The following PRR5L variants were observed in gnomAD, a reference collection of about 807,000 sequenced individuals.
PRR5L encodes proline-rich protein 5-like.
In PRR5L, 21 loss-of-function variants were observed where a neutral mutation model predicts 36.4. The ratio of observed to expected loss-of-function variants is 0.58; its 90% CI spans 0.41 to 0.83. The LOEUF (loss-of-function observed/expected upper bound fraction) is 0.83. PRR5L is among the 40% of genes least tolerant of loss of function. PRR5L has a pLI of 0.00. For synonymous variants in PRR5L, 188 were observed against 197.0 expected (o/e 0.95, Z 0.38); for missense variants, 381 against 473.3 (o/e 0.80, Z 1.81).
intron 1 of PRR5L, among the ~76,000 whole-genome samples, chr11:36,318,674 A>G (rs1028594934): frequency 3.3e-5 from 5 of 152,174 alleles, no homozygotes; most frequent in African/African-American, 1.2e-4. Flanking sequence ...TTGTGCTAGG[A>G]TAGGATTTCA....
intron 8 of PRR5L, among the ~76,000 whole-genome samples, chr11:36,459,980 G>A (rs911480989): frequency 2.6e-5 from 4 of 152,106 alleles, no homozygotes; most frequent in Non-Finnish European, 4.4e-5. Flanking sequence ...TTTTAAAGAC[G>A]TATCAATAAA....
intron 6 of PRR5L, among the ~76,000 whole-genome samples, chr11:36,442,469 G>A (rs975300679): frequency 1.3e-5 from 2 of 151,956 alleles, no homozygotes; most frequent in African/African-American, 2.4e-5. Flanking sequence ...AGCCTCCCAA[G>A]TAGCTGGGAT....
chr11:36,323,072 A>T (rs1590440680), intron 1 of PRR5L, among the ~76,000 whole-genome samples: 1 of 152,084 alleles, frequency 6.6e-6, no homozygotes, highest in East Asian at 1.9e-4. Flanking sequence ...ACAGAGGAGA[A>T]ATTTTGTTTT....
chr11:36,457,190 C>A (rs1411249660), intron 8 of PRR5L, among the ~76,000 whole-genome samples: 1 of 152,226 alleles, frequency 6.6e-6, no homozygotes, highest in African/African-American at 2.4e-5. Context: ...TCTCGATTTA[C>A]CCTCTGTCTT....
At chr11:36,366,046 A>G (rs1433952333) in intron 1 of PRR5L, among the ~76,000 whole-genome samples, 40 of 152,218 alleles carry the variant, frequency 2.6e-4, no homozygotes, top group Admixed American at 2.6e-3. Context: ...TTGGATGAGA[A>G]TATTTATCTT....
At chr11:36,441,675 T>C (rs1232186495) in intron 6 of PRR5L, among the ~76,000 whole-genome samples, 1 of 152,160 alleles carries the variant, frequency 6.6e-6, no homozygotes, top group African/African-American at 2.4e-5. Context: ...CAACCCCACA[T>C]ATCCCCTTGG....
intron 1 of PRR5L, among the ~76,000 whole-genome samples, chr11:36,392,153 T>A (rs1857575997): frequency 6.6e-6 from 1 of 152,240 alleles, no homozygotes; most frequent in Admixed American, 6.5e-5. Flanking sequence ...GATCTCATTC[T>A]TTTTTATGGA....
Position 36,383,094 on chromosome 11 carries a change from C to T in PRR5L, c.-125-17903C>T, listed in dbSNP as rs191309190. ...GCTTAAATGCTCTGAACCAGAAACT[C>T]TCCACTTCTAAAATAGGAATAATAA... On this transcript the variant is annotated intron_variant, in intron 1 of 8. Transcript: ENST00000530639. Among the ~76,000 whole-genome samples the T allele has an allele frequency of 5.3e-5, 8 of 152,290 alleles. No homozygotes were observed. The East Asian group carries it at 1.5e-3, about 29-fold the overall frequency.
chr11:36,432,724 CT>C (rs201787935), intron 5 of PRR5L, among the ~76,000 whole-genome samples: 11 of 152,040 alleles, frequency 7.2e-5, no homozygotes, highest in Non-Finnish European at 1.3e-4. Context: ...CGGACCCTTT[CT>C]TTTTTTTCTG....
At chr11:36,417,837 A>C (rs1407321036) in intron 3 of PRR5L, among the ~76,000 whole-genome samples, 1 of 152,198 alleles carries the variant, frequency 6.6e-6, no homozygotes, top group African/African-American at 2.4e-5. Flanking sequence ...CAGAAACTTG[A>C]GCATTTGCTC....
chr11:36,369,730 G>A (rs1857179373), intron 1 of PRR5L, among the ~76,000 whole-genome samples: 1 of 152,144 alleles, frequency 6.6e-6, no homozygotes, highest in Non-Finnish European at 1.5e-5. Context: ...GAGTAGCTGG[G>A]ACTACAGGCT....
At chr11:36,373,497 G>A (rs867711162) in intron 1 of PRR5L, among the ~76,000 whole-genome samples, 6 of 152,046 alleles carry the variant, frequency 3.9e-5, no homozygotes, top group Admixed American at 2.0e-4. Context: ...TGCTTTGGGA[G>A]GCTGAGGCAA....
At chr11:36,422,505 A>C (rs1014024350) in intron 4 of PRR5L, among the ~76,000 whole-genome samples, 2 of 152,192 alleles carry the variant, frequency 1.3e-5, no homozygotes, top group African/African-American at 4.8e-5. Context: ...AGACATCTGC[A>C]TTCAGCAGTC....
At chr11:36,381,998 A>G (rs1857377321) in intron 1 of PRR5L, among the ~76,000 whole-genome samples, 1 of 152,044 alleles carries the variant, frequency 6.6e-6, no homozygotes, top group Non-Finnish European at 1.5e-5. Context: ...CTCTACTAAA[A>G]ATACAAAAAA....
At chr11:36,425,689 T>C (rs996151926) in intron 4 of PRR5L, 1 of 152,190 alleles carries the variant, frequency 6.6e-6, no homozygotes, top group African/African-American at 2.4e-5. Flanking sequence ...CATTGGCTTA[T>C]TAGGAACTCT....
intron 8 of PRR5L, among the ~76,000 whole-genome samples, chr11:36,451,760 C>T (rs555540488): frequency 6.6e-6 from 1 of 152,328 alleles, no homozygotes; most frequent in South Asian, 2.1e-4. Flanking sequence ...GTCAGGCCAA[C>T]TTGTATGCAT....
At chr11:36,420,232 A>G (rs994838724) in intron 4 of PRR5L, among the ~76,000 whole-genome samples, 3 of 152,186 alleles carry the variant, frequency 2.0e-5, no homozygotes, top group African/African-American at 7.2e-5. Context: ...CAGTTTCCTC[A>G]TCTGCGAAAT....
chr11:36,400,519 G>A (rs1361210981), intron 1 of PRR5L, among the ~76,000 whole-genome samples: 1 of 152,210 alleles, frequency 6.6e-6, no homozygotes, highest in Non-Finnish European at 1.5e-5. Context: ...ATGTGCTTGA[G>A]TGAAGAGTCA....
chr11:36,407,309 C>G (rs1011198482), intron 3 of PRR5L, among the ~76,000 whole-genome samples: 1 of 152,114 alleles, frequency 6.6e-6, no homozygotes, highest in Non-Finnish European at 1.5e-5. Flanking sequence ...TAATGAAACC[C>G]CAGTTTCTAC....
Sources: allele counts gnomAD v4.1 joint callset (sites outside exome capture counted in the v4.1 genomes callset), GRCh38; gene constraint gnomAD v4.1.1; transcripts MANE v1.5; gene names NCBI Gene and HGNC (gene_info 2026-07-23, HGNC 2026-07-21).